The following SOBP variants were observed in gnomAD, a reference collection of about 807,000 sequenced individuals.
SOBP encodes the protein sine oculis-binding protein homolog.
SOBP carries 4 observed loss-of-function variants against 53.6 expected under a neutral mutation model. The ratio of observed to expected loss-of-function variants is 0.07; its 90% CI spans 0.04 to 0.17. The LOEUF (loss-of-function observed/expected upper bound fraction) is 0.17. SOBP is among the 10% of genes least tolerant of loss of function. The probability of loss-of-function intolerance (pLI) is 1.00; values close to 1 mark genes in which losing one functional copy is unlikely to be tolerated. For synonymous variants in SOBP, 584 were observed against 522.6 expected (o/e 1.12, Z -1.60); for missense variants, 1,088 against 1,204.7 (o/e 0.90, Z 1.43).
rs1050308172 is a variant in SOBP at position 107,533,495 on chromosome 6, G to C, written c.458G>C (p.Trp153Ser). Residue 153 changes from tryptophan to serine, a missense_variant, in exon 4 of 7, where the codon TGG becomes TCG. Physicochemically the swap from Trp to Ser is radical, Grantham distance 177 (BLOSUM62 -3). Transcript: ENST00000317357. ...DVSNVQIMCAWCQKVGIKRYS... is the reference protein window; with the variant it reads ...DVSNVQIMCASCQKVGIKRYS... The stretch of plus-strand genomic sequence containing the variant: ...TCAAATGTACAAATAATGTGTGCCT[G>C]GTGCCAGAAAGTGGGAATCAAGCGC... The C allele has an allele frequency of 9.9e-6, 16 of 1,613,962 alleles. No homozygotes were observed. The Admixed American group carries it at 2.3e-4, about 24-fold the overall frequency.
intron 4 of SOBP, among the ~76,000 whole-genome samples, chr6:107,554,583 T>C (rs747461168): frequency 3.3e-5 from 5 of 152,174 alleles, no homozygotes; most frequent in Non-Finnish European, 7.4e-5. Context: ...AGACATCTCT[T>C]CATGTCTGGG....
At position 107,568,873 on chromosome 6, in the gene SOBP, C is replaced by A. The variant is rs111518385; in HGVS notation, c.574-18207C>A. Among the ~76,000 whole-genome samples, 517 of 152,218 alleles carry A rather than the reference C, an allele frequency of 3.4e-3. 4 individuals carry two copies. Among genetic ancestry groups the A allele is most frequent in the African/African-American group, 0.012 (491 of 41,536 alleles). Reference sequence around the variant, plus strand: ...CTGAGAGAAACCTTCATGCATTGACCCTGATAAAACCGGCTTTATTAACAC... The same window carrying A: ...CTGAGAGAAACCTTCATGCATTGACACTGATAAAACCGGCTTTATTAACAC... On this transcript the variant is annotated intron_variant, in intron 4 of 6. Transcript: ENST00000317357.
At position 107,506,440 on chromosome 6, in the gene SOBP, T is replaced by C. The variant is rs1583151871; in HGVS notation, c.421+13T>C. On this transcript the variant is annotated intron_variant, in intron 3 of 6. Coordinates refer to ENST00000317357, the MANE Select transcript of SOBP (RefSeq NM_018013.4). ...AAGCCACCAGCAGGTAAGTCACTAC[T>C]GGTGTTTTCAGTGATAACAATTCAT... The C allele has an allele frequency of 6.2e-7, 1 of 1,613,644 alleles. No individual in the cohort carries two copies. Among genetic ancestry groups the C allele is most frequent in the Non-Finnish European group, 8.5e-7 (1 of 1,179,544 alleles).
intron 4 of SOBP, 107 bp downstream of exon 4, chr6:107,533,717 A>G (rs1218502468): frequency 1.7e-5 from 24 of 1,385,140 alleles, no homozygotes; most frequent in Non-Finnish European, 2.3e-5. Flanking sequence ...TTACTTTTAT[A>G]TTTTTATTCT....
chr6:107,618,478 C>T (rs1227788788), intron 5 of SOBP, among the ~76,000 whole-genome samples: 1 of 152,058 alleles, frequency 6.6e-6, no homozygotes, highest in Non-Finnish European at 1.5e-5. Flanking sequence ...AGAGAATGGC[C>T]AAAGGAAGAG....
At chr6:107,529,971 T>C (rs1783772276) in intron 3 of SOBP, among the ~76,000 whole-genome samples, 1 of 152,246 alleles carries the variant, frequency 6.6e-6, no homozygotes, top group African/African-American at 2.4e-5. Context: ...TATTATCATA[T>C]GAAAATTATG....
intron 5 of SOBP, among the ~76,000 whole-genome samples, chr6:107,631,381 A>G (rs1230009802): frequency 1.3e-5 from 2 of 152,240 alleles, no homozygotes; most frequent in African/African-American, 4.8e-5. Flanking sequence ...TTGAAACAGA[A>G]GCAGGTGGTT....
chr6:107,511,823 C>T (rs1246253266), intron 3 of SOBP: 2 of 152,308 alleles, frequency 1.3e-5, no homozygotes, highest in African/African-American at 4.8e-5. Context: ...CATCTTCCAA[C>T]TCTGTGCTGC....
intron 4 of SOBP, among the ~76,000 whole-genome samples, chr6:107,579,298 A>G (rs374655767): frequency 5.5e-4 from 84 of 152,288 alleles, no homozygotes; most frequent in East Asian, 3.7e-3. Context: ...AGGGGGCTGC[A>G]TGCTCCTAGC....
chr6:107,638,281 G>A (rs1771147324), intron 6 of SOBP, among the ~76,000 whole-genome samples: 1 of 152,206 alleles, frequency 6.6e-6, no homozygotes, highest in African/African-American at 2.4e-5. Flanking sequence ...CGCGACCTTG[G>A]CTCACTGCAA....
intron 5 of SOBP, among the ~76,000 whole-genome samples, chr6:107,613,293 G>T (rs1786666241): frequency 6.6e-6 from 1 of 152,230 alleles, no homozygotes; most frequent in South Asian, 2.1e-4. Flanking sequence ...TTTCTCGAAG[G>T]TCCTAAGACT....
chr6:107,633,466 G>A (rs777877696), intron 5 of SOBP, 48 bp from the exon 6 acceptor site: 7 of 1,613,222 alleles, frequency 4.3e-6, no homozygotes, highest in Non-Finnish European at 5.1e-6. Context: ...ATCTACCCAG[G>A]TAAATTGCTT....
chr6:107,581,886 T>C (rs1313125656), intron 4 of SOBP, among the ~76,000 whole-genome samples: 1 of 152,222 alleles, frequency 6.6e-6, no homozygotes, highest in Non-Finnish European at 1.5e-5. Flanking sequence ...TTTGGTGTTC[T>C]TAAGTCCGGT....
At chr6:107,631,721 TA>T (rs1489074904) in intron 5 of SOBP, among the ~76,000 whole-genome samples, 1 of 152,240 alleles carries the variant, frequency 6.6e-6, no homozygotes, top group African/African-American at 2.4e-5. Flanking sequence ...TTTTGATAGC[TA>T]AATTGAAAGA....
At chr6:107,654,787 T>G (rs1771953598) in intron 6 of SOBP, among the ~76,000 whole-genome samples, 2 of 133,844 alleles carry the variant, frequency 1.5e-5, no homozygotes, top group South Asian at 2.4e-4. Flanking sequence ...TGAGGGAGGG[T>G]GGCTGAGGAA....
intron 4 of SOBP, among the ~76,000 whole-genome samples, chr6:107,570,903 A>G (rs1449027787): frequency 6.6e-6 from 1 of 152,264 alleles, no homozygotes; most frequent in Admixed American, 6.5e-5. Context: ...CCTTTGGGCC[A>G]ATAAAAATGC....
chr6:107,556,720 G>A (rs1363092025), intron 4 of SOBP, among the ~76,000 whole-genome samples: 1 of 152,226 alleles, frequency 6.6e-6, no homozygotes, highest in Admixed American at 6.5e-5. Context: ...ATAAGAGGTA[G>A]AACGGAAACC....
At chr6:107,618,244 C>T (rs888874160) in intron 5 of SOBP, among the ~76,000 whole-genome samples, 3 of 152,188 alleles carry the variant, frequency 2.0e-5, no homozygotes, top group African/African-American at 4.8e-5. Flanking sequence ...CTAACTGGTA[C>T]AATTCAGGAA....
At chr6:107,504,471 A>T (rs1782927169) in intron 2 of SOBP, among the ~76,000 whole-genome samples, 1 of 152,068 alleles carries the variant, frequency 6.6e-6, no homozygotes, top group South Asian at 2.1e-4. Context: ...CAGATATCTC[A>T]TGGGGGAAGT....
Sources: allele counts gnomAD v4.1 joint callset (sites outside exome capture counted in the v4.1 genomes callset), GRCh38; gene constraint gnomAD v4.1.1; transcripts MANE v1.5; gene names NCBI Gene and HGNC (gene_info 2026-07-23, HGNC 2026-07-21).